CDYL2: variants seen among roughly 807,000 people sequenced by gnomAD.
CDYL2 encodes chromodomain Y like 2.
In CDYL2, 23 loss-of-function variants were observed where a neutral mutation model predicts 49.4. That is an observed-to-expected ratio of 0.47 (90% confidence interval 0.34 to 0.66). CDYL2 has a LOEUF of 0.66. Among genes scored for constraint, CDYL2 ranks in the 30% least tolerant of loss-of-function variants. The pLI, the probability that CDYL2 is intolerant of heterozygous loss-of-function variation, is 0.01. For synonymous variants in CDYL2, 360 were observed against 268.8 expected (o/e 1.34, Z -3.32); for missense variants, 678 against 656.4 (o/e 1.03, Z -0.36).
intron 2 of CDYL2, among the ~76,000 whole-genome samples, chr16:80,666,760 C>T (rs574442883): frequency 6.6e-6 from 1 of 152,312 alleles, no homozygotes; most frequent in South Asian, 2.1e-4. Flanking sequence ...TGACAGATGT[C>T]AGAAGGGTTT....
intron 1 of CDYL2, among the ~76,000 whole-genome samples, chr16:80,793,780 T>C (rs1390293589): frequency 2.6e-5 from 4 of 152,206 alleles, no homozygotes; most frequent in African/African-American, 9.6e-5. Context: ...TAGATTTCTT[T>C]TGTAAGTTTA....
chr16:80,647,956 G>T (rs1597147517), intron 2 of CDYL2, among the ~76,000 whole-genome samples: 2 of 152,176 alleles, frequency 1.3e-5, no homozygotes, highest in South Asian at 4.1e-4. Flanking sequence ...AAAAATTCTT[G>T]AAACAAATGA....
chr16:80,693,440 A>G (rs1477034871), intron 1 of CDYL2, among the ~76,000 whole-genome samples: 1 of 152,264 alleles, frequency 6.6e-6, no homozygotes, highest in Admixed American at 6.5e-5. Context: ...ACAAGACAGC[A>G]GAAATGAGGC....
chr16:80,607,424 A>T (rs1906388763), intron 6 of CDYL2, among the ~76,000 whole-genome samples: 1 of 152,202 alleles, frequency 6.6e-6, no homozygotes, highest in Non-Finnish European at 1.5e-5. Context: ...TTTCTCAAGC[A>T]CAGAGCGAGT....
chr16:80,672,815 C>T (rs1909584438), intron 2 of CDYL2, among the ~76,000 whole-genome samples: 1 of 152,220 alleles, frequency 6.6e-6, no homozygotes, highest in Non-Finnish European at 1.5e-5. Context: ...CCCACCAACA[C>T]CTGACTCATA....
chr16:80,662,197 CTGAG>C (rs772504167), intron 2 of CDYL2, among the ~76,000 whole-genome samples: 1 of 152,174 alleles, frequency 6.6e-6, no homozygotes, highest in Non-Finnish European at 1.5e-5. Context: ...ATCTGGCGCT[CTGAG>C]TGAGATCCCA....
chr16:80,683,428 T>C (rs534505782), intron 2 of CDYL2, among the ~76,000 whole-genome samples: 9 of 152,316 alleles, frequency 5.9e-5, no homozygotes, highest in Admixed American at 5.9e-4. Context: ...GGAAATCTCA[T>C]GTTTGGGAGT....
At chr16:80,641,488 C>G (rs1487752621) in intron 2 of CDYL2, among the ~76,000 whole-genome samples, 2 of 151,860 alleles carry the variant, frequency 1.3e-5, no homozygotes, top group Non-Finnish European at 2.9e-5. Flanking sequence ...CAAGAAATGC[C>G]TAAAGGAAGC....
intron 2 of CDYL2, among the ~76,000 whole-genome samples, chr16:80,643,430 G>A (rs1342565730): frequency 6.6e-6 from 1 of 152,228 alleles, no homozygotes; most frequent in East Asian, 1.9e-4. Context: ...GGGTCTGGAG[G>A]ACGGTGGCCC....
intron 6 of CDYL2, among the ~76,000 whole-genome samples, chr16:80,607,537 C>T (rs1016614133): frequency 2.0e-5 from 3 of 152,316 alleles, no homozygotes; most frequent in East Asian, 1.9e-4. Context: ...ATTCCCCTGC[C>T]GCGCTCTGAG....
chr16:80,687,014 T>A (rs892382745), intron 1 of CDYL2, among the ~76,000 whole-genome samples: 1 of 152,242 alleles, frequency 6.6e-6, no homozygotes, highest in Non-Finnish European at 1.5e-5. Flanking sequence ...GGTTAAGGAA[T>A]GGAGTTACTG....
At chr16:80,703,428 C>T (rs774993846) in intron 1 of CDYL2, among the ~76,000 whole-genome samples, 1 of 152,146 alleles carries the variant, frequency 6.6e-6, no homozygotes, top group South Asian at 2.1e-4. Flanking sequence ...AAGCCTCAGG[C>T]TTATCCCCAG....
At chr16:80,755,123 C>G (rs955582514) in intron 1 of CDYL2, among the ~76,000 whole-genome samples, 1 of 152,272 alleles carries the variant, frequency 6.6e-6, no homozygotes, top group South Asian at 2.1e-4. Flanking sequence ...TTTCCTCATC[C>G]ACATCCTATT....
At chr16:80,766,758 T>C (rs1242251777) in intron 1 of CDYL2, among the ~76,000 whole-genome samples, 1 of 152,148 alleles carries the variant, frequency 6.6e-6, no homozygotes, top group Non-Finnish European at 1.5e-5. Context: ...AAGCTGCCTC[T>C]ACAAAAAGAA....
chr16:80,687,370 G>A (rs777979527), intron 1 of CDYL2, among the ~76,000 whole-genome samples: 16 of 152,160 alleles, frequency 1.1e-4, no homozygotes, highest in Admixed American at 8.5e-4. Flanking sequence ...GGATGAGTGC[G>A]TGGGTGGGTG....
At chr16:80,629,444 G>C (rs768725628) in intron 3 of CDYL2, among the ~76,000 whole-genome samples, 3 of 152,214 alleles carry the variant, frequency 2.0e-5, no homozygotes, top group Non-Finnish European at 2.9e-5. Context: ...GGTGTGAAAA[G>C]GGACTCCTGC....
intron 1 of CDYL2, among the ~76,000 whole-genome samples, chr16:80,768,401 C>T (rs1013354210): frequency 2.0e-5 from 3 of 152,186 alleles, no homozygotes; most frequent in African/African-American, 7.2e-5. Flanking sequence ...ATTCAGGCTG[C>T]TATAACAAAA....
chr16:80,604,582 C>A (rs983225101), intron 6 of CDYL2, 36 bp from the exon 7 acceptor site: 1 of 1,611,594 alleles, frequency 6.2e-7, no homozygotes, highest in East Asian at 2.2e-5. Context: ...TAGCCGGGCA[C>A]CAGGGACTCT....
intron 3 of CDYL2, 30 bp downstream of exon 3, chr16:80,632,989 T>C (rs59675671): frequency 0.33 from 534,546 of 1,596,310 alleles, 97,691 homozygotes; most frequent in African/African-American, 0.72. Context: ...ACAGCCCAGC[T>C]TGCCCTTCCC....
Sources: allele counts gnomAD v4.1 joint callset (sites outside exome capture counted in the v4.1 genomes callset), GRCh38; gene constraint gnomAD v4.1.1; transcripts MANE v1.5; gene names NCBI Gene and HGNC (gene_info 2026-07-23, HGNC 2026-07-21).